Variants in MORN5 observed in about 807,000 individuals in gnomAD.
MORN5 encodes MORN repeat containing 5.
A neutral mutation model predicts 22.1 loss-of-function variants in MORN5; 21 were observed. That is an observed-to-expected ratio of 0.95 (90% CI 0.67 to 1.37). The LOEUF (loss-of-function observed/expected upper bound fraction) is 1.37. Among genes scored for constraint, MORN5 ranks in the 40% most tolerant of loss-of-function variants. The pLI, the probability that MORN5 is intolerant of heterozygous loss-of-function variation, is 0.00. For synonymous variants in MORN5, 73 were observed against 74.0 expected (o/e 0.99, Z 0.07); for missense variants, 211 against 215.1 (o/e 0.98, Z 0.12).
intron 1 of MORN5, among the ~76,000 whole-genome samples, chr9:122,166,515 G>T (rs1427478789): frequency 6.6e-6 from 1 of 152,118 alleles, no homozygotes; most frequent in Non-Finnish European, 1.5e-5. Context: ...GTTTATTTCA[G>T]GGAGCAGTGT....
chr9:122,163,288 C>T (rs976668773), intron 1 of MORN5, among the ~76,000 whole-genome samples: 2 of 152,160 alleles, frequency 1.3e-5, no homozygotes, highest in African/African-American at 4.8e-5. Context: ...TATCATTATC[C>T]TATTTTACAG....
chr9:122,196,280 C>CA (rs1236801181), intron 4 of MORN5, among the ~76,000 whole-genome samples: 1 of 150,088 alleles, frequency 6.7e-6, no homozygotes, highest in East Asian at 2.0e-4. Flanking sequence ...TTTCAATTAA[C>CA]AAAATGCGTG....
At chr9:122,183,817 T>C (rs1829571290) in intron 4 of MORN5, among the ~76,000 whole-genome samples, 1 of 152,200 alleles carries the variant, frequency 6.6e-6, no homozygotes, top group African/African-American at 2.4e-5. Context: ...CAACTTTCCT[T>C]CAGTCAGAAA....
At chr9:122,183,427 T>C (rs1428982907) in intron 4 of MORN5, among the ~76,000 whole-genome samples, 1 of 152,176 alleles carries the variant, frequency 6.6e-6, no homozygotes, top group Admixed American at 6.5e-5. Context: ...TCCCAATTAA[T>C]GATACCCCAT....
At chr9:122,199,855 G>A (rs1400782501) in intron 4 of MORN5, 30 bp from the exon 5 acceptor site, 2 of 1,613,498 alleles carry the variant, frequency 1.2e-6, no homozygotes, top group Non-Finnish European at 1.7e-6. Flanking sequence ...CGAGCACCAA[G>A]CATGACCAGC....
chr9:122,187,099 C>T (rs192248323), intron 4 of MORN5, among the ~76,000 whole-genome samples: 66 of 152,348 alleles, frequency 4.3e-4, no homozygotes, highest in African/African-American at 1.5e-3. Flanking sequence ...AGATGACATG[C>T]ATGAGGTGAG....
intron 4 of MORN5, among the ~76,000 whole-genome samples, chr9:122,185,770 G>A (rs1192262053): frequency 6.6e-6 from 1 of 152,160 alleles, no homozygotes. Context: ...CAAATCACAT[G>A]TCCAACCCCA....
chr9:122,184,677 T>C (rs2118772334), intron 4 of MORN5, among the ~76,000 whole-genome samples: 1 of 152,312 alleles, frequency 6.6e-6, no homozygotes, highest in South Asian at 2.1e-4. Context: ...CCTTTACATA[T>C]ATTTTATTTT....
rs1209063417 is a variant in MORN5 at position 122,197,003 on chromosome 9, T to C, written c.440-2882T>C. On this transcript the variant is annotated intron_variant, in intron 4 of 4. Transcript: ENST00000373764. The surrounding 1 kb of genome is among the most constrained non-coding windows in gnomAD (Gnocchi z 5.7). ...GGCACATAATTATTTGTTAAATGAA[T>C]GCATATACAACAAAATAATCATTCC... Among the ~76,000 whole-genome samples, 1 of 152,226 alleles carries C rather than the reference T, an allele frequency of 6.6e-6. No homozygotes were observed. The highest frequency in any genetic ancestry group is 1.5e-5 in the Non-Finnish European group (1 of 68,038).
chr9:122,191,447 A>C (rs1829763544), intron 4 of MORN5, among the ~76,000 whole-genome samples: 1 of 152,078 alleles, frequency 6.6e-6, no homozygotes, highest in Non-Finnish European at 1.5e-5. Context: ...CAGTTTCCTC[A>C]TCTTAAGTGG....
At chr9:122,169,788 C>A in intron 3 of MORN5, 32 bp downstream of exon 3, 1 of 1,384,558 alleles carries the variant, frequency 7.2e-7, no homozygotes, top group Non-Finnish European at 1.0e-6. Flanking sequence ...CCTTCATACC[C>A]AAACTGAGAG....
intron 4 of MORN5, among the ~76,000 whole-genome samples, chr9:122,186,313 C>A (rs986666702): frequency 1.3e-5 from 2 of 152,184 alleles, no homozygotes; most frequent in Non-Finnish European, 2.9e-5. Flanking sequence ...AGGGAGGAAC[C>A]AGGGTATGAA....
chr9:122,161,456 C>T (rs1829197883), intron 1 of MORN5, among the ~76,000 whole-genome samples: 1 of 152,164 alleles, frequency 6.6e-6, no homozygotes, highest in Non-Finnish European at 1.5e-5. Context: ...GGTGTGTACT[C>T]CCTCTCACTA....
intron 1 of MORN5, among the ~76,000 whole-genome samples, chr9:122,162,232 G>A (rs948491350): frequency 2.6e-5 from 4 of 152,140 alleles, no homozygotes; most frequent in Non-Finnish European, 4.4e-5. Context: ...GATCATATAT[G>A]GATGTTATTT....
chr9:122,171,946 CTTTTTTT>C (rs71371928), intron 3 of MORN5, among the ~76,000 whole-genome samples: 2 of 58,572 alleles, frequency 3.4e-5, no homozygotes, highest in African/African-American at 6.1e-5. Flanking sequence ...TCACTTCCAT[CTTTTTTT>C]TTTTTTTTTT....
Position 122,200,057 on chromosome 9 carries a change from C to T in MORN5, c.*126C>T. The T allele has an allele frequency of 1.1e-6, 1 of 898,642 alleles. No individual in the cohort carries two copies. Among genetic ancestry groups the T allele is most frequent in the East Asian group, 2.5e-5 (1 of 39,972 alleles). The allele number at this position is 898,642 out of a possible 1,614,324, so 55.7% of individuals were successfully genotyped here. Reference sequence around the variant, plus strand: ...CTGTAGTTCTAGAACCTGATTTTAACTCAGGAATAAAGACTTTCTGCGGTC... The same window carrying T: ...CTGTAGTTCTAGAACCTGATTTTAATTCAGGAATAAAGACTTTCTGCGGTC... On this transcript the variant is annotated 3_prime_UTR_variant, in exon 5 of 5. Transcript: ENST00000373764.
intron 4 of MORN5, among the ~76,000 whole-genome samples, chr9:122,190,327 T>G (rs1829734554): frequency 6.6e-6 from 1 of 152,110 alleles, no homozygotes; most frequent in Admixed American, 6.6e-5. Context: ...ATATAAAAAT[T>G]TTGCTGTTGC....
chr9:122,165,607 A>G (rs1010517842), intron 1 of MORN5, among the ~76,000 whole-genome samples: 2 of 152,006 alleles, frequency 1.3e-5, no homozygotes, highest in South Asian at 2.1e-4. Context: ...CAAAGAAGCT[A>G]GTCAACTGGT....
At chr9:122,165,436 G>A (rs1386282798) in intron 1 of MORN5, among the ~76,000 whole-genome samples, 15 of 151,354 alleles carry the variant, frequency 9.9e-5, no homozygotes, top group South Asian at 4.2e-4. Context: ...TAAGCCAGGC[G>A]TGGTGGGGCA....
Sources: allele counts gnomAD v4.1 joint callset (sites outside exome capture counted in the v4.1 genomes callset), GRCh38; gene constraint gnomAD v4.1.1; non-coding constraint Gnocchi (gnomAD v3.1); transcripts MANE v1.5; gene names NCBI Gene and HGNC (gene_info 2026-07-23, HGNC 2026-07-21).